Variants in SEC13 observed in about 807,000 individuals in gnomAD.
SEC13 encodes the protein SEC13 homolog, nuclear pore and COPII component.
In SEC13, 25 loss-of-function variants were observed where a neutral mutation model predicts 49.2. That is an observed-to-expected ratio of 0.51 (90% CI 0.37 to 0.71). The LOEUF (loss-of-function observed/expected upper bound fraction) is 0.71. SEC13 is among the 30% of genes least tolerant of loss of function. SEC13 has a pLI of 0.00. For synonymous variants in SEC13, 148 were observed against 163.9 expected (o/e 0.90, Z 0.74); for missense variants, 383 against 417.6 (o/e 0.92, Z 0.72).
chr3:10,319,215 A>G (rs368917439), intron 1 of SEC13: 1 of 1,613,736 alleles, frequency 6.2e-7, no homozygotes, highest in Non-Finnish European at 8.5e-7. Context: ...AAAGGCAGAC[A>G]GTGGAAGAGG....
Position 10,303,623 on chromosome 3 carries a change from C to A in SEC13, c.855+403G>T, listed in dbSNP as rs569379313. On this transcript the variant is annotated intron_variant, in intron 8 of 8. Transcript: ENST00000350697. ...ATAAACTCTAAAGGTTTTTAAAAAG[C>A]CTTTTCAGTGTTATGGACAAAAAAT... is the stretch of plus-strand genomic sequence containing the variant. 32 of 269,246 alleles carry A rather than the reference C, an allele frequency of 1.2e-4. 1 individual carries two copies. The highest frequency in any genetic ancestry group is 3.4e-4 in the Admixed American group (7 of 20,438). 16.7% of individuals were successfully genotyped at this position (269,246 alleles called of 1,614,324 possible).
chr3:10,312,992 C>T, intron 3 of SEC13: 2 of 421,926 alleles, frequency 4.7e-6, no homozygotes, highest in Non-Finnish European at 8.6e-6. Context: ...CCTGGCCAGG[C>T]AGGAGCCTCA....
chr3:10,305,356 G>C (rs1700807768), intron 6 of SEC13, 200 bp from the exon 7 acceptor site: 2 of 1,059,500 alleles, frequency 1.9e-6, no homozygotes, highest in Non-Finnish European at 2.7e-6. Flanking sequence ...CAGCCAAAGA[G>C]TCAGCTCCAA....
chr3:10,312,110 G>A lies in SEC13; in HGVS notation c.317-12C>T, dbSNP rs758165893. The A allele has an allele frequency of 6.3e-7, 1 of 1,584,910 alleles. No homozygotes were observed. The highest frequency in any genetic ancestry group is 1.1e-5 in the South Asian group (1 of 87,744). ...GCACACCGAGTTCACTGCGGGAAGAGGGAGAGTGCAGTGAGCAAAGCAGGG... is the reference window on the plus strand; with the variant it reads ...GCACACCGAGTTCACTGCGGGAAGAAGGAGAGTGCAGTGAGCAAAGCAGGG... On this transcript the variant is annotated splice_polypyrimidine_tract_variant and intron_variant, in intron 4 of 8. Transcript: ENST00000350697.
rs565712312 is a variant in SEC13 at position 10,316,776 on chromosome 3, C to T, written c.48+1274G>A. On this transcript the variant is annotated intron_variant, in intron 2 of 8. Transcript: ENST00000350697. Reference sequence around the variant, plus strand: ...CAGCACTTTGGGAAGCTGAGGCGGGCGGATCACCTGAGGTCGGGAGTTCGA... The same window carrying T: ...CAGCACTTTGGGAAGCTGAGGCGGGTGGATCACCTGAGGTCGGGAGTTCGA... Among the ~76,000 whole-genome samples, 20 of 151,996 alleles carry T rather than the reference C, an allele frequency of 1.3e-4. No homozygotes were observed. In the East Asian group the frequency reaches 3.5e-3, roughly 26 times the overall value.
intron 3 of SEC13, chr3:10,314,898 A>C: frequency 6.3e-6 from 1 of 158,798 alleles, no homozygotes; most frequent in Non-Finnish European, 1.4e-5. Flanking sequence ...ACGAAATGGT[A>C]CTGTTTACCA....
chr3:10,301,027 T>C lies in SEC13; in HGVS notation c.*234A>G. 6.5e-7 allele frequency: 1 copy of C among 1,543,318 alleles called. No individual in the cohort carries two copies. Among genetic ancestry groups the C allele is most frequent in the Non-Finnish European group, 8.9e-7 (1 of 1,128,388 alleles). On this transcript the variant is annotated 3_prime_UTR_variant, in exon 9 of 9. Transcript: ENST00000350697. ...ACATAAAAATGACCCAAAATAGATT[T>C]GAACATCACTTGTAGTTTCTTCCTC...
intron 1 of SEC13, 119 bp from the exon 2 acceptor site, chr3:10,318,213 C>A: frequency 1.4e-6 from 1 of 719,910 alleles, no homozygotes; most frequent in South Asian, 1.6e-5. Context: ...AGTAAGCATT[C>A]ATTCTAAGTA....
intron 8 of SEC13, among the ~76,000 whole-genome samples, chr3:10,302,072 A>ATCTC (rs1207866810): frequency 6.6e-6 from 1 of 152,006 alleles, no homozygotes. Context: ...ACCCCATCTC[A>ATCTC]TCTCTACTAA....
At chr3:10,305,445 G>T in intron 6 of SEC13, 114 bp downstream of exon 6, 1 of 1,329,296 alleles carries the variant, frequency 7.5e-7, no homozygotes, top group South Asian at 1.3e-5. Flanking sequence ...TATTTTACTG[G>T]CAGGAGGGAG....
intron 1 of SEC13, 129 bp downstream of exon 1, chr3:10,320,921 A>C: frequency 6.7e-7 from 1 of 1,499,138 alleles, no homozygotes; most frequent in Non-Finnish European, 8.9e-7. Context: ...GAGCCCCCCA[A>C]ATCTCTAAGC....
rs1310204401 is a variant in SEC13, at chr3:10,320,939, G to C, written c.3+111C>G. 2.6e-6 allele frequency: 4 copies of C among 1,542,652 alleles called. No homozygotes were observed. In the East Asian group the frequency reaches 9.8e-5, roughly 38 times the overall value. ...CCCCCCAAATCTCTAAGCGGTGGAG[G>C]GGAGCTGAACGGCTCCAGCTTGGGA... On this transcript the variant is annotated intron_variant, in intron 1 of 8. Coordinates refer to ENST00000350697, the MANE Select transcript of SEC13 (RefSeq NM_183352.3).
At chr3:10,317,354 G>A (rs1271997401) in intron 2 of SEC13, among the ~76,000 whole-genome samples, 1 of 152,184 alleles carries the variant, frequency 6.6e-6, no homozygotes, top group Non-Finnish European at 1.5e-5. Flanking sequence ...CAGGTTGTGA[G>A]GGCAAGAACC....
At chr3:10,315,475 G>A in intron 2 of SEC13, 39 bp from the exon 3 acceptor site, 1 of 714,532 alleles carries the variant, frequency 1.4e-6, no homozygotes, top group Non-Finnish European at 2.3e-6. Context: ...TGCAGGCTGG[G>A]TGGGTGGGTG....
intron 5 of SEC13, among the ~76,000 whole-genome samples, chr3:10,307,356 GT>G (rs1700948389): frequency 6.6e-6 from 1 of 152,026 alleles, no homozygotes; most frequent in African/African-American, 2.4e-5. Context: ...CTGCAGGTGT[GT>G]GCCACCACGC....
intron 8 of SEC13, 45 bp from the exon 9 acceptor site, chr3:10,301,419 C>T (rs1700502399): frequency 6.2e-7 from 1 of 1,611,678 alleles, no homozygotes; most frequent in Admixed American, 1.7e-5. Flanking sequence ...CTGTGCCCTT[C>T]CCTCTGCTGT....
chr3:10,315,293 G>A (rs1225028226), intron 3 of SEC13, 28 bp downstream of exon 3: 5 of 1,523,260 alleles, frequency 3.3e-6, no homozygotes, highest in Middle Eastern at 1.7e-4. Context: ...CATTCCTGGA[G>A]CCCTTCCCTG....
chr3:10,306,935 G>T (rs189303374), intron 5 of SEC13, among the ~76,000 whole-genome samples: 1 of 152,134 alleles, frequency 6.6e-6, no homozygotes, highest in Non-Finnish European at 1.5e-5. Context: ...TGCCAGCAGC[G>T]AGAAAACAGA....
At chr3:10,312,477 C>T in intron 4 of SEC13, 102 bp downstream of exon 4, 1 of 1,404,640 alleles carries the variant, frequency 7.1e-7, no homozygotes, top group Non-Finnish European at 9.8e-7. Context: ...AAGAGACAGA[C>T]AAGAGGCACC....
Sources: gnomAD v4.1 joint callset for allele counts (sites outside exome capture counted in the v4.1 genomes callset) on GRCh38, gnomAD v4.1.1 for gene constraint, MANE v1.5 for transcripts, NCBI Gene and HGNC (gene_info 2026-07-23, HGNC 2026-07-21) for gene names.